The following HCK variants were observed in gnomAD, a reference collection of about 807,000 sequenced individuals.
The protein encoded by HCK is tyrosine-protein kinase HCK.
In HCK, 40 loss-of-function variants were observed where a neutral mutation model predicts 70.4. That is an observed-to-expected ratio of 0.57 (90% CI 0.44 to 0.74). The LOEUF (loss-of-function observed/expected upper bound fraction) is 0.74, where lower values mean the gene tolerates loss of function less well. Ranked by LOEUF, HCK falls within the 30% of genes least tolerant of loss-of-function variation. HCK has a pLI of 0.00. For missense variants in HCK, 568 were observed against 697.2 expected (o/e 0.81, Z 2.09); for synonymous variants, 245 against 263.2 (o/e 0.93, Z 0.67).
chr20:32,054,390 G>C, intron 1 of HCK: 1 of 431,300 alleles, frequency 2.3e-6, no homozygotes, highest in South Asian at 1.6e-5. Context: ...CAGGAGAATC[G>C]CTTGAACCCG....
At chr20:32,056,125 A>G (rs1240785152) in intron 1 of HCK, among the ~76,000 whole-genome samples, 1 of 152,246 alleles carries the variant, frequency 6.6e-6, no homozygotes, top group Non-Finnish European at 1.5e-5. Context: ...TAATACTGCT[A>G]TGAGCATGCA....
intron 1 of HCK, chr20:32,054,167 A>G (rs2045227960): frequency 2.3e-6 from 1 of 439,560 alleles, no homozygotes; most frequent in African/African-American, 2.0e-5. Flanking sequence ...AAAAAATTGA[A>G]GTCTCCCCAC....
chr20:32,066,331 T>TTTTTTTTTTTTTTTTTTTTTTTTTGA (rs60044994), intron 1 of HCK, among the ~76,000 whole-genome samples: 3 of 81,910 alleles, frequency 3.7e-5, no homozygotes, highest in African/African-American at 8.6e-5. Flanking sequence ...TTTTTTTTTT[T>TTTTTTTTTTTTTTTTTTTTTTTTTGA]GACAGAGTCT....
intron 1 of HCK, among the ~76,000 whole-genome samples, chr20:32,057,628 C>T (rs1369352637): frequency 1.3e-5 from 2 of 152,104 alleles, no homozygotes; most frequent in South Asian, 2.1e-4. Context: ...GAATGTGAAG[C>T]CTAGAGAGGG....
At chr20:32,055,671 T>C (rs1275477003) in intron 1 of HCK, among the ~76,000 whole-genome samples, 1 of 152,176 alleles carries the variant, frequency 6.6e-6, no homozygotes, top group Non-Finnish European at 1.5e-5. Context: ...CGAGGTGAAA[T>C]TCACATAACT....
intron 3 of HCK, 26 bp downstream of exon 3, chr20:32,073,387 GGA>G: frequency 6.2e-7 from 1 of 1,602,298 alleles, no homozygotes; most frequent in Non-Finnish European, 8.5e-7. Context: ...CAGATGCAGT[GGA>G]GTCATGTGTC....
chr20:32,082,179 A>C (rs1225950798), intron 6 of HCK, among the ~76,000 whole-genome samples: 1 of 152,176 alleles, frequency 6.6e-6, no homozygotes, highest in African/African-American at 2.4e-5. Flanking sequence ...GAGGATGATG[A>C]TATTATAAAA....
At position 32,083,920 on chromosome 20, in the gene HCK, T is replaced by G. The variant is rs990773005; in HGVS notation, c.559T>G (p.Tyr187Asp). ...AAGCTACTCTTTGTCCGTGCGAGAC[T>G]ACGACCCTCGGCAGGGAGATACCGT... Residue 187 changes from tyrosine (Y) to aspartate (D), a missense_variant, in exon 7 of 13, where the codon TAC (tyrosine) becomes GAC (aspartate). Coordinates refer to ENST00000375852, the MANE Select transcript of HCK (RefSeq NM_002110.5). The G allele has an allele frequency of 1.2e-6, 2 of 1,614,226 alleles. No individual in the cohort carries two copies. The highest frequency in any genetic ancestry group is 8.5e-7 in the Non-Finnish European group (1 of 1,180,044).
rs60044994 is a variant in HCK, at chr20:32,066,331, T to TTTTTTTTTTTTTTTTTTGA, written c.63-5331_63-5330insTTTTTTTTTTTTTTTTTGA. 4.0e-4 allele frequency among the ~76,000 whole-genome samples: 33 copies of TTTTTTTTTTTTTTTTTTGA among 81,910 alleles called. 10 individuals are homozygous for TTTTTTTTTTTTTTTTTTGA. In the East Asian group the frequency reaches 4.4e-3, roughly 11 times the overall value. The allele number at this position is 81,910 out of a possible 152,430, so 53.7% of individuals were successfully genotyped here. On this transcript the variant is annotated intron_variant, in intron 1 of 12. Coordinates refer to ENST00000375852, the MANE Select transcript of HCK (RefSeq NM_002110.5). ...TTTTTTTTTTTTTTTTTTTTTTTTTTGACAGAGTCTTGCTCTGTTTCCCAG... is the reference window on the plus strand; with the variant it reads ...TTTTTTTTTTTTTTTTTTTTTTTTTTTTTTTTTTTTTTTTTTTGAGACAGAGTCTTGCTCTGTTTCCCAG...
intron 1 of HCK, among the ~76,000 whole-genome samples, chr20:32,066,331 T>TTTTTTTTTTTTTTTTTTTTTTTTTTTTGA (rs60044994): frequency 2.4e-5 from 2 of 81,878 alleles, no homozygotes; most frequent in African/African-American, 4.3e-5. Context: ...TTTTTTTTTT[T>TTTTTTTTTTTTTTTTTTTTTTTTTTTTGA]GACAGAGTCT....
At chr20:32,053,304 T>G (rs2122431301) in intron 1 of HCK, among the ~76,000 whole-genome samples, 1 of 151,488 alleles carries the variant, frequency 6.6e-6, no homozygotes, top group Non-Finnish European at 1.5e-5. Flanking sequence ...ATGGGGAGAG[T>G]AATAGTACCT....
chr20:32,092,129 T>C (rs1356935871), intron 10 of HCK, among the ~76,000 whole-genome samples: 2 of 152,138 alleles, frequency 1.3e-5, no homozygotes, highest in Non-Finnish European at 2.9e-5. Context: ...CTTTGATTGT[T>C]CTGTCTAGTC....
chr20:32,089,855 A>T (rs900300641), intron 10 of HCK, among the ~76,000 whole-genome samples: 1 of 152,264 alleles, frequency 6.6e-6, no homozygotes, highest in African/African-American at 2.4e-5. Flanking sequence ...GAAGTTCAGT[A>T]GATGAAGAGA....
At chr20:32,073,492 G>A (rs2045574204) in intron 3 of HCK, 131 bp downstream of exon 3, 12 of 810,688 alleles carry the variant, frequency 1.5e-5, no homozygotes, top group Non-Finnish European at 2.0e-5. Flanking sequence ...TTCCTCTGAA[G>A]TGCTTTGCGC....
chr20:32,098,174 C>T (rs1209068057), intron 11 of HCK, among the ~76,000 whole-genome samples: 1 of 151,948 alleles, frequency 6.6e-6, no homozygotes, highest in Non-Finnish European at 1.5e-5. Context: ...CAGCCTGTAG[C>T]TGGAACTACA....
At chr20:32,068,326 A>T (rs6579321) in intron 1 of HCK, among the ~76,000 whole-genome samples, 2,527 of 151,262 alleles carry the variant, frequency 0.017, 61 homozygotes, top group African/African-American at 0.056. Flanking sequence ...AATGAAAATT[A>T]AAAAAAAATA....
chr20:32,087,897 C>T (rs1376819212), intron 9 of HCK, among the ~76,000 whole-genome samples: 1 of 152,114 alleles, frequency 6.6e-6, no homozygotes, highest in African/African-American at 2.4e-5. Context: ...CCGCCTCAGC[C>T]TCCCACCATG....
At position 32,077,711 on chromosome 20, in the gene HCK, A is replaced by C. The variant is rs193141179; in HGVS notation, c.429-2063A>C. Among the ~76,000 whole-genome samples the C allele has an allele frequency of 3.8e-4, 58 of 152,228 alleles. No individual in the cohort carries two copies. The East Asian group carries it at 0.011, about 29-fold the overall frequency. On this transcript the variant is annotated intron_variant, in intron 5 of 12. Transcript: ENST00000375852. Reference sequence around the variant, plus strand: ...CTAGCTAATTTTGTATTTTTAATAGAGACAGGGTTTCTCCATGTTGGTCAG... The same window carrying C: ...CTAGCTAATTTTGTATTTTTAATAGCGACAGGGTTTCTCCATGTTGGTCAG...
At chr20:32,057,274 C>A (rs1202498172) in intron 1 of HCK, among the ~76,000 whole-genome samples, 2 of 152,198 alleles carry the variant, frequency 1.3e-5, no homozygotes, top group African/African-American at 2.4e-5. Flanking sequence ...CCCCACCCTT[C>A]GGGTCATGAC....
Sources: gnomAD v4.1 joint callset for allele counts (sites outside exome capture counted in the v4.1 genomes callset) on GRCh38, gnomAD v4.1.1 for gene constraint, MANE v1.5 for transcripts, NCBI Gene and HGNC (gene_info 2026-07-23, HGNC 2026-07-21) for gene names.